ACTR3C: variants seen among roughly 807,000 people sequenced by gnomAD.
The protein encoded by ACTR3C is actin-related protein 3C.
Under a neutral mutation model 26.3 loss-of-function variants are expected in ACTR3C, and 18 were observed. The observed-to-expected ratio is 0.68, with a 90% CI of 0.47 to 1.01. ACTR3C has a LOEUF of 1.01. Ranked by LOEUF, ACTR3C falls within the 50% of genes least tolerant of loss-of-function variation. The probability of loss-of-function intolerance (pLI) is 0.00; values close to 1 mark genes in which losing one functional copy is unlikely to be tolerated. For missense variants in ACTR3C, 184 were observed against 250.7 expected (o/e 0.73, Z 1.80); for synonymous variants, 55 against 94.5 (o/e 0.58, Z 2.42).
the ACTR3C span, among the ~76,000 whole-genome samples, chr7:149,967,066 G>T: frequency 1.0e-5 from 1 of 98,126 alleles, no homozygotes; most frequent in African/African-American, 3.5e-5. Context: ...ACAGAATCTC[G>T]CTCTGTCACC....
At chr7:150,140,348 C>A in the ACTR3C span, among the ~76,000 whole-genome samples, 5 of 151,964 alleles carry the variant, frequency 3.3e-5, no homozygotes, top group South Asian at 8.3e-4. Context: ...TAAAACTAGG[C>A]CTTTGAATTA....
chr7:150,134,233 A>T, the ACTR3C span, among the ~76,000 whole-genome samples: 51 of 28,948 alleles, frequency 1.8e-3, 1 homozygote, highest in Middle Eastern at 0.08. Context: ...TATATGCAGT[A>T]AAAAAAAAAA....
intron 6 of ACTR3C, chr7:150,264,561 G>T (rs747215584): frequency 4.1e-6 from 4 of 974,454 alleles, no homozygotes; most frequent in African/African-American, 1.8e-5. Flanking sequence ...CTGAGTCCAG[G>T]TTATAATGTA....
At chr7:150,001,820 T>C in the ACTR3C span, 2 of 151,194 alleles carry the variant, frequency 1.3e-5, no homozygotes, top group Non-Finnish European at 2.9e-5. Context: ...GCAGCATGCA[T>C]GCAGAAAGGA....
chr7:149,891,106 C>T, the ACTR3C span: 11 of 523,700 alleles, frequency 2.1e-5, no homozygotes, highest in Admixed American at 3.3e-5. Context: ...AAATTTAAAA[C>T]GCCCTAGAAA....
intron 6 of ACTR3C, among the ~76,000 whole-genome samples, chr7:150,254,623 GTTC>G (rs545378004): frequency 1.1e-3 from 164 of 152,236 alleles, no homozygotes; most frequent in African/African-American, 3.7e-3. Context: ...CTGTTGACCA[GTTC>G]TTCTTCTTTA....
At chr7:150,039,536 G>C in the ACTR3C span, among the ~76,000 whole-genome samples, 448 of 90,348 alleles carry the variant, frequency 5.0e-3, 15 homozygotes, top group African/African-American at 0.016. Context: ...CCTGCGATGG[G>C]GGTCCCCAGA....
At chr7:150,045,379 C>T in the ACTR3C span, among the ~76,000 whole-genome samples, 2 of 152,228 alleles carry the variant, frequency 1.3e-5, no homozygotes, top group Non-Finnish European at 2.9e-5. Flanking sequence ...AAGGATGCAA[C>T]ATTCAGCCTG....
the ACTR3C span, among the ~76,000 whole-genome samples, chr7:149,924,016 G>A: frequency 6.6e-6 from 1 of 151,034 alleles, no homozygotes; most frequent in East Asian, 2.0e-4. Context: ...AAAAAAATTG[G>A]AAGCCCTAAA....
chr7:149,919,166 A>AT, the ACTR3C span, among the ~76,000 whole-genome samples: 95,269 of 151,152 alleles, frequency 0.63, 30,363 homozygotes, highest in South Asian at 0.74. Flanking sequence ...GTTTCATTTA[A>AT]TTTTTTTTGT....
the ACTR3C span, among the ~76,000 whole-genome samples, chr7:150,055,869 C>CT: frequency 6.7e-6 from 1 of 150,004 alleles, no homozygotes; most frequent in East Asian, 2.0e-4. Context: ...GGACTCATTG[C>CT]TTTTTTAATG....
At chr7:150,177,413 T>A in the ACTR3C span, among the ~76,000 whole-genome samples, 1 of 150,750 alleles carries the variant, frequency 6.6e-6, no homozygotes, top group East Asian at 1.9e-4. Context: ...GAGAAATGAA[T>A]GTACACCAGT....
chr7:150,113,414 CA>C, the ACTR3C span, among the ~76,000 whole-genome samples: 3 of 150,782 alleles, frequency 2.0e-5, no homozygotes, highest in South Asian at 2.1e-4. Context: ...TATGACTACA[CA>C]AACCATGCAT....
chr7:150,144,893 C>CA, the ACTR3C span, among the ~76,000 whole-genome samples: 7 of 151,006 alleles, frequency 4.6e-5, no homozygotes, highest in African/African-American at 1.5e-4. The surrounding 1 kb of genome is among the most constrained non-coding windows in gnomAD (Gnocchi z 4.6). Context: ...ACTAAAAATA[C>CA]AAAAAAATTA....
the ACTR3C span, among the ~76,000 whole-genome samples, chr7:150,219,917 G>C: frequency 6.9e-6 from 1 of 145,432 alleles, no homozygotes. Context: ...CTCTTCTCTC[G>C]AAAGCCTCGC....
chr7:150,191,395 T>A, the ACTR3C span, among the ~76,000 whole-genome samples: 1 of 152,252 alleles, frequency 6.6e-6, no homozygotes, highest in Admixed American at 6.5e-5. Context: ...ATTTCTTTAA[T>A]CAGTTTTATA....
chr7:150,135,486 CA>C, the ACTR3C span, among the ~76,000 whole-genome samples: 2 of 152,094 alleles, frequency 1.3e-5, no homozygotes, highest in Admixed American at 1.3e-4. Flanking sequence ...ACCAAACATT[CA>C]AATAGCAGAT....
chr7:149,996,009 C>T, the ACTR3C span, among the ~76,000 whole-genome samples: 1 of 151,814 alleles, frequency 6.6e-6, no homozygotes, highest in East Asian at 1.9e-4. Flanking sequence ...CACACCTGTG[C>T]GGTATGTGCA....
At chr7:150,312,780 C>T (rs1467679630) in intron 1 of ACTR3C, among the ~76,000 whole-genome samples, 1 of 152,178 alleles carries the variant, frequency 6.6e-6, no homozygotes. Context: ...TTCATCTTTT[C>T]TTATAACTTT....
Sources: allele counts gnomAD v4.1 joint callset (sites outside exome capture counted in the v4.1 genomes callset), GRCh38; gene constraint gnomAD v4.1.1; non-coding constraint Gnocchi (gnomAD v3.1); transcripts MANE v1.5; gene names NCBI Gene and HGNC (gene_info 2026-07-23, HGNC 2026-07-21).